The following SLC6A15 variants were observed in gnomAD, a reference collection of about 807,000 sequenced individuals.
The protein encoded by SLC6A15 is solute carrier family 6 member 15, also known as sodium-dependent neutral amino acid transporter B(0)AT2.
Under a neutral mutation model 68.5 loss-of-function variants are expected in SLC6A15, and 33 were observed. The ratio of observed to expected loss-of-function variants is 0.48; its 90% confidence interval spans 0.37 to 0.64. The LOEUF is 0.64. Among genes scored for constraint, SLC6A15 ranks in the 30% least tolerant of loss-of-function variants. The pLI is 0.00. For missense variants in SLC6A15, 747 were observed against 874.3 expected (o/e 0.85, Z 1.84); for synonymous variants, 347 against 301.0 (o/e 1.15, Z -1.58).
Position 84,892,001 on chromosome 12 carries a change from A to T in SLC6A15, c.120T>A (p.Ile40=). Residue 40 remains isoleucine, a synonymous_variant, in exon 2 of 12, where the codon ATT becomes ATA. Transcript: ENST00000266682. ...ADDAFKTSEL[I]VDGQEEKDTD... ...TATCTTTCTCTTCCTGGCCATCAAC[A>T]ATTAGTTCACTTGTCTTAAAAGCAT... 1 of 1,614,038 alleles carries T rather than the reference A, an allele frequency of 6.2e-7. No individual in the cohort carries two copies. The highest frequency in any genetic ancestry group is 8.5e-7 in the Non-Finnish European group (1 of 1,179,986).
intron 1 of SLC6A15, chr12:84,911,809 A>T (rs2120763628): frequency 6.6e-6 from 1 of 152,554 alleles, no homozygotes; most frequent in South Asian, 2.1e-4. Flanking sequence ...CAGTCCCAGC[A>T]GCACCACCCT....
intron 4 of SLC6A15, among the ~76,000 whole-genome samples, chr12:84,884,419 C>T (rs1871981855): frequency 6.6e-6 from 1 of 152,082 alleles, no homozygotes; most frequent in East Asian, 1.9e-4. Context: ...GATTCTCCTG[C>T]CTCAGCCTCC....
intron 1 of SLC6A15, among the ~76,000 whole-genome samples, chr12:84,899,245 G>A (rs910374060): frequency 2.0e-5 from 3 of 152,128 alleles, no homozygotes; most frequent in African/African-American, 4.8e-5. Flanking sequence ...AGTCCATACT[G>A]ATTCAAGAGT....
chr12:84,884,072 C>T, intron 4 of SLC6A15, 32 bp from the exon 5 acceptor site: 1 of 1,572,448 alleles, frequency 6.4e-7, no homozygotes, highest in Non-Finnish European at 8.7e-7. Context: ...ACAATTATTT[C>T]AGAATATAAA....
chr12:84,876,772 G>A (rs891475294), intron 5 of SLC6A15, among the ~76,000 whole-genome samples, 165 bp from the exon 6 acceptor site: 15 of 152,022 alleles, frequency 9.9e-5, no homozygotes, highest in East Asian at 1.9e-4. Flanking sequence ...TTTATGAGTC[G>A]TGATTCAGCC....
At chr12:84,896,291 T>TA (rs1872636822) in intron 1 of SLC6A15, among the ~76,000 whole-genome samples, 1 of 151,852 alleles carries the variant, frequency 6.6e-6, no homozygotes, top group African/African-American at 2.4e-5. Flanking sequence ...CTGTATTTTG[T>TA]AAAAAAGATT....
chr12:84,864,017 T>C (rs1407737276), intron 10 of SLC6A15, among the ~76,000 whole-genome samples: 2 of 150,990 alleles, frequency 1.3e-5, no homozygotes, highest in Middle Eastern at 3.8e-3. Context: ...ATTACTATGC[T>C]ATTAATACTA....
chr12:84,867,902 C>T (rs1871128059), intron 9 of SLC6A15: 1 of 152,170 alleles, frequency 6.6e-6, no homozygotes, highest in Admixed American at 6.5e-5. Context: ...CCAGCTACTA[C>T]TTAGAAAAGT....
At chr12:84,910,795 C>A (rs1000043655) in intron 1 of SLC6A15, among the ~76,000 whole-genome samples, 6 of 152,254 alleles carry the variant, frequency 3.9e-5, no homozygotes, top group Admixed American at 6.5e-5. Flanking sequence ...ACTGCTCAGA[C>A]CCCTTCTGCC....
chr12:84,892,613 T>C lies in SLC6A15; in HGVS notation c.-188-305A>G, dbSNP rs141381830. On this transcript the variant is annotated intron_variant, in intron 1 of 11. Coordinates refer to ENST00000266682, the MANE Select transcript of SLC6A15 (RefSeq NM_182767.6). ...TAGGACTCTTTTTCTTAATTCTTTA[T>C]TTTTTCCTCCCTGACTAAAGCAGAT... Among the ~76,000 whole-genome samples, 864 of 152,294 alleles carry C rather than the reference T, an allele frequency of 5.7e-3. 5 individuals are homozygous for C. The highest frequency in any genetic ancestry group is 9.3e-3 in the Non-Finnish European group (634 of 68,022).
At chr12:84,875,457 C>T (rs1043282851) in intron 6 of SLC6A15, among the ~76,000 whole-genome samples, 1 of 151,714 alleles carries the variant, frequency 6.6e-6, no homozygotes, top group African/African-American at 2.4e-5. Context: ...AGTATCAAGG[C>T]AGCCGCCAGG....
At chr12:84,905,570 A>T (rs1565734702) in intron 1 of SLC6A15, among the ~76,000 whole-genome samples, 1 of 152,214 alleles carries the variant, frequency 6.6e-6, no homozygotes. Context: ...AGGCAAGAAA[A>T]AGAAAATACA....
chr12:84,863,054 G>T (rs1205332947), intron 11 of SLC6A15, among the ~76,000 whole-genome samples: 1 of 152,162 alleles, frequency 6.6e-6, no homozygotes, highest in East Asian at 1.9e-4. Flanking sequence ...GCCTCCAAAA[G>T]TGTTGGGATT....
chr12:84,864,374 C>T (rs1592590780), intron 10 of SLC6A15, among the ~76,000 whole-genome samples: 1 of 144,884 alleles, frequency 6.9e-6, no homozygotes. Context: ...GGCTGGAGTA[C>T]AGTGGCACAA....
At chr12:84,896,383 A>C (rs2120696896) in intron 1 of SLC6A15, among the ~76,000 whole-genome samples, 1 of 152,254 alleles carries the variant, frequency 6.6e-6, no homozygotes, top group South Asian at 2.1e-4. Context: ...AAAAAAAAAA[A>C]GATTGTGTTG....
At chr12:84,912,421 C>G (rs1027334238) in intron 1 of SLC6A15, 102 bp downstream of exon 1, 2 of 152,572 alleles carry the variant, frequency 1.3e-5, no homozygotes, top group African/African-American at 4.8e-5. Flanking sequence ...CGGCATCCAT[C>G]CATCAATTCG....
chr12:84,868,921 G>A (rs984555419), intron 9 of SLC6A15, among the ~76,000 whole-genome samples: 2 of 152,126 alleles, frequency 1.3e-5, no homozygotes, highest in Non-Finnish European at 2.9e-5. Flanking sequence ...ATGTCAGGCA[G>A]GATATGGATT....
chr12:84,892,820 G>C (rs956947739), intron 1 of SLC6A15, among the ~76,000 whole-genome samples: 2 of 151,934 alleles, frequency 1.3e-5, no homozygotes, highest in African/African-American at 4.8e-5. Context: ...TTGGAGACAG[G>C]GTCCCACTCT....
chr12:84,912,538 A>G lies in SLC6A15; in HGVS notation c.-204T>C, dbSNP rs1028182045. On this transcript the variant is annotated 5_prime_UTR_variant, in exon 1 of 12. Transcript: ENST00000266682. The stretch of plus-strand genomic sequence containing the variant: ...TTGCCATTACCGTCAGTGTGTCTTG[A>G]CCAAGCGCCTCTTGCTGCTTCCACG... 3 of 152,506 alleles carry G rather than the reference A, an allele frequency of 2.0e-5. No individual in the cohort carries two copies. Among genetic ancestry groups the G allele is most frequent in the East Asian group, 1.9e-4 (1 of 5,156 alleles). 9.4% of individuals were successfully genotyped at this position (152,506 alleles called of 1,614,324 possible).
Sources: gnomAD v4.1 joint callset for allele counts (sites outside exome capture counted in the v4.1 genomes callset) on GRCh38, gnomAD v4.1.1 for gene constraint, MANE v1.5 for transcripts, NCBI Gene and HGNC (gene_info 2026-07-23, HGNC 2026-07-21) for gene names.